The following ZFP41 variants were observed in gnomAD, a reference collection of about 807,000 sequenced individuals.
ZFP41 encodes the protein ZFP41 zinc finger protein, also known as zinc finger protein 41 homolog.
ZFP41 carries 10 observed loss-of-function variants against 11.6 expected under a neutral mutation model. The observed-to-expected ratio is 0.86, with a 90% confidence interval of 0.53 to 1.47. The LOEUF is 1.47. Among genes scored for constraint, ZFP41 ranks in the 40% most tolerant of loss-of-function variants. The pLI, the probability that ZFP41 is intolerant of heterozygous loss-of-function variation, is 0.00. For missense variants in ZFP41, 302 were observed against 264.6 expected (o/e 1.14, Z -0.98); for synonymous variants, 123 against 100.9 (o/e 1.22, Z -1.31).
At chr8:143,257,512 A>G (rs1814939849) in intron 2 of ZFP41, among the ~76,000 whole-genome samples, 1 of 152,238 alleles carries the variant, frequency 6.6e-6, no homozygotes, top group Admixed American at 6.5e-5. Flanking sequence ...AAATAAATAC[A>G]TAAATAAGTA....
At chr8:143,258,295 T>C (rs1009367749) in intron 2 of ZFP41, among the ~76,000 whole-genome samples, 1 of 152,254 alleles carries the variant, frequency 6.6e-6, no homozygotes, top group Non-Finnish European at 1.5e-5. Flanking sequence ...CATTCTGTTC[T>C]GCAGACGTGA....
chr8:143,249,481 G>A (rs953547679), intron 1 of ZFP41: 3 of 194,438 alleles, frequency 1.5e-5, no homozygotes, highest in African/African-American at 7.0e-5. Context: ...AACCCCGGCA[G>A]AGGAGCAAGG....
At position 143,261,842 on chromosome 8, in the gene ZFP41, G is replaced by A. The variant is rs1245297941; in HGVS notation, c.*2968G>A. 2 of 174,078 alleles carry A rather than the reference G, an allele frequency of 1.1e-5. No homozygotes were observed. Among genetic ancestry groups the A allele is most frequent in the Non-Finnish European group, 2.3e-5 (2 of 87,312 alleles). The allele number at this position is 174,078 out of a possible 1,614,324, so 10.8% of individuals were successfully genotyped here. A position where few individuals can be genotyped will look rare whatever the true frequency, so the allele number is the denominator to read the frequency against. ...GCACCTGCCACGCCTGTCTCCGGCA[G>A]CCCCTGCCCGCACCCGCACCCCTGC... On this transcript the variant is annotated 3_prime_UTR_variant, in exon 3 of 3. Coordinates refer to ENST00000330701, the MANE Select transcript of ZFP41 (RefSeq NM_173832.6).
At position 143,261,115 on chromosome 8, in the gene ZFP41, G is replaced by C. The variant is rs1487942147; in HGVS notation, c.*2241G>C. On this transcript the variant is annotated 3_prime_UTR_variant, in exon 3 of 3. Transcript: ENST00000330701. The stretch of plus-strand genomic sequence containing the variant: ...GTTTCCTCTTCGACACAGGGAAGCA[G>C]GGAGGGGCCGATCAGCGACTTAGGC... 6.6e-6 allele frequency: 1 copy of C among 152,348 alleles called. No homozygotes were observed. Among genetic ancestry groups the C allele is most frequent in the East Asian group, 1.9e-4 (1 of 5,200 alleles). The allele number at this position is 152,348 out of a possible 1,614,324, so 9.4% of individuals were successfully genotyped here.
In ZFP41 at chr8:143,250,637, G is replaced by GTC. The variant is rs1814719737; in HGVS notation, c.*203_*204dup. The GTC allele has an allele frequency of 1.2e-6, 1 of 843,922 alleles. No individual in the cohort carries two copies. The highest frequency in any genetic ancestry group is 1.7e-5 in the African/African-American group (1 of 57,956). The allele number at this position is 843,922 out of a possible 1,614,324, so 52.3% of individuals were successfully genotyped here. A position where few individuals can be genotyped will look rare whatever the true frequency, so the allele number is the denominator to read the frequency against. Reference sequence around the variant, plus strand: ...GGGAGAGACCTTTCCACTGCAGAGAGTCTCTCTGATCAAGACACCGCAGTG... The same window carrying GTC: ...GGGAGAGACCTTTCCACTGCAGAGAGTCTCTCTCTGATCAAGACACCGCAGTG... On this transcript the variant is annotated 3_prime_UTR_variant, in exon 2 of 3. Coordinates refer to ENST00000330701, the MANE Select transcript of ZFP41 (RefSeq NM_173832.6).
rs1815044302 is a variant in ZFP41, at chr8:143,261,775, C to T, written c.*2901C>T. On this transcript the variant is annotated 3_prime_UTR_variant, in exon 3 of 3. Transcript: ENST00000330701. The stretch of plus-strand genomic sequence containing the variant: ...GCCCCTACCCGCACCCGTGCACCTT[C>T]CACGCCCGTCTCCAGCAGCCCCTGC... 4.7e-6 allele frequency: 1 copy of T among 213,494 alleles called. No homozygotes were observed. The highest frequency in any genetic ancestry group is 2.4e-5 in the African/African-American group (1 of 41,650). The allele number at this position is 213,494 out of a possible 1,614,324, so 13.2% of individuals were successfully genotyped here.
chr8:143,254,570 G>C (rs929496794), intron 2 of ZFP41, among the ~76,000 whole-genome samples: 4 of 151,308 alleles, frequency 2.6e-5, no homozygotes, highest in Non-Finnish European at 5.9e-5. Flanking sequence ...CATTTGGTTT[G>C]ATTTTACTTA....
intron 1 of ZFP41, chr8:143,247,800 T>G (rs781537933): frequency 2.0e-5 from 3 of 152,252 alleles, no homozygotes; most frequent in Non-Finnish European, 2.9e-5. Flanking sequence ...TTTTTGCGTG[T>G]GGGGTTTTTT....
intron 2 of ZFP41, among the ~76,000 whole-genome samples, chr8:143,254,821 C>T (rs991082852): frequency 2.0e-5 from 3 of 151,852 alleles, no homozygotes; most frequent in African/African-American, 4.8e-5. Flanking sequence ...TTAGTAGAGA[C>T]GGGGTTTCAC....
intron 2 of ZFP41, chr8:143,252,592 T>C (rs1230488649): frequency 1.0e-6 from 1 of 981,650 alleles, no homozygotes; most frequent in Non-Finnish European, 1.2e-6. Flanking sequence ...CCTCAGTCGC[T>C]GCTGGAAGCA....
At chr8:143,256,564 G>C (rs1237988857) in intron 2 of ZFP41, among the ~76,000 whole-genome samples, 1 of 152,172 alleles carries the variant, frequency 6.6e-6, no homozygotes, top group Non-Finnish European at 1.5e-5. Flanking sequence ...CAACAAAATC[G>C]GCATGGAAAA....
chr8:143,260,311 A>G lies in ZFP41; in HGVS notation c.*1437A>G, dbSNP rs998715721. On this transcript the variant is annotated 3_prime_UTR_variant, in exon 3 of 3. Transcript: ENST00000330701. ...AAGGTCAAAACCATCACAGTGGGCA[A>G]CTTTACACCCCAGTGTTCACTGTCC... 1.5e-4 allele frequency: 23 copies of G among 153,276 alleles called. No individual in the cohort carries two copies. Among genetic ancestry groups the G allele is most frequent in the African/African-American group, 5.3e-4 (22 of 41,472 alleles). 9.5% of individuals were successfully genotyped at this position (153,276 alleles called of 1,614,324 possible). A position where few individuals can be genotyped will look rare whatever the true frequency, so the allele number is the denominator to read the frequency against.
chr8:143,259,429 A>G (rs10087286), intron 2 of ZFP41, among the ~76,000 whole-genome samples: 130,731 of 152,178 alleles, frequency 0.86, 56,359 homozygotes, highest in African/African-American at 0.94. Context: ...AGGGTGAGTG[A>G]GCATTTGCTC....
At chr8:143,258,004 TCATACA>T (rs1232082851) in intron 2 of ZFP41, among the ~76,000 whole-genome samples, 1 of 152,162 alleles carries the variant, frequency 6.6e-6, no homozygotes, top group African/African-American at 2.4e-5. Context: ...TCAGTGTCAC[TCATACA>T]CATATACATG....
Position 143,260,587 on chromosome 8 carries a change from G to A in ZFP41, c.*1713G>A. ...GCATGGCGCACCCACACCAGCCCCG[G>A]GCTCCGCCTGGACAGCACCTCCTGG... On this transcript the variant is annotated 3_prime_UTR_variant, in exon 3 of 3. Transcript: ENST00000330701. The A allele has an allele frequency of 5.8e-6, 1 of 172,142 alleles. No individual in the cohort carries two copies. The highest frequency in any genetic ancestry group is 1.3e-5 in the Non-Finnish European group (1 of 78,990). The allele number at this position is 172,142 out of a possible 1,614,324, so 10.7% of individuals were successfully genotyped here. A position where few individuals can be genotyped will look rare whatever the true frequency, so the allele number is the denominator to read the frequency against.
chr8:143,258,463 G>A (rs1477117276), intron 2 of ZFP41, among the ~76,000 whole-genome samples: 1 of 152,230 alleles, frequency 6.6e-6, no homozygotes, highest in African/African-American at 2.4e-5. Flanking sequence ...CCTCGGGAGA[G>A]CCTCAAGACC....
At chr8:143,259,686 T>G (rs1814993169) in intron 2 of ZFP41, 89 bp from the exon 3 acceptor site, 1 of 152,100 alleles carries the variant, frequency 6.6e-6, no homozygotes, top group African/African-American at 2.4e-5. Context: ...GCCATCTTCT[T>G]GCTTTCAGAG....
chr8:143,247,340 C>T (rs554246278), intron 1 of ZFP41, 198 bp downstream of exon 1: 1 of 152,308 alleles, frequency 6.6e-6, no homozygotes, highest in Non-Finnish European at 1.5e-5. Context: ...GAGCCTCTAA[C>T]TAGGAGCACG....
intron 2 of ZFP41, among the ~76,000 whole-genome samples, chr8:143,258,009 C>T (rs905908874): frequency 6.6e-6 from 1 of 152,174 alleles, no homozygotes; most frequent in African/African-American, 2.4e-5. Flanking sequence ...GTCACTCATA[C>T]ACATATACAT....
Sources: gnomAD v4.1 joint callset for allele counts (sites outside exome capture counted in the v4.1 genomes callset) on GRCh38, gnomAD v4.1.1 for gene constraint, MANE v1.5 for transcripts, NCBI Gene and HGNC (gene_info 2026-07-23, HGNC 2026-07-21) for gene names.